B3GALT1: variants seen among roughly 807,000 people sequenced by gnomAD.
B3GALT1 encodes UDP-Gal:betaGlcNAc beta 1,3-galactosyltransferase, polypeptide 1.
A neutral mutation model predicts 23.2 loss-of-function variants in B3GALT1; 10 were observed. The ratio of observed to expected loss-of-function variants is 0.43; its 90% CI spans 0.27 to 0.73. The LOEUF (loss-of-function observed/expected upper bound fraction) is 0.73. B3GALT1 is among the 30% of genes least tolerant of loss of function. B3GALT1 has a pLI of 0.21. For missense variants in B3GALT1, 299 were observed against 405.4 expected (o/e 0.74, Z 2.25); for synonymous variants, 156 against 141.5 (o/e 1.10, Z -0.73).
chr2:167,329,972 T>G (rs1696948349), intron 1 of B3GALT1, among the ~76,000 whole-genome samples: 1 of 152,186 alleles, frequency 6.6e-6, no homozygotes. Flanking sequence ...CTTTAGGCAG[T>G]TTGACCATAA....
rs1428606193 is a variant in B3GALT1 at position 167,873,876 on chromosome 2, T to TGACA, written c.*3861_*3864dup. On this transcript the variant is annotated 3_prime_UTR_variant, in exon 5 of 5. Transcript: ENST00000392690. ...TGTATCAATGTTATAAAACTAAAAA[T>TGACA]GACAGACACTGAAGATATCATTACA... The TGACA allele has an allele frequency of 6.6e-6, 1 of 152,222 alleles. No homozygotes were observed. The highest frequency in any genetic ancestry group is 1.5e-5 in the Non-Finnish European group (1 of 68,032). The allele number at this position is 152,222 out of a possible 1,614,324, so 9.4% of individuals were successfully genotyped here. A position where few individuals can be genotyped will look rare whatever the true frequency, so the allele number is the denominator to read the frequency against.
At chr2:167,829,702 C>T (rs1689305021) in intron 4 of B3GALT1, among the ~76,000 whole-genome samples, 1 of 152,132 alleles carries the variant, frequency 6.6e-6, no homozygotes, top group Admixed American at 6.5e-5. Flanking sequence ...TCCTTCTCCA[C>T]TGGCATCATC....
chr2:167,869,872 A>G lies in B3GALT1; in HGVS notation c.833A>G (p.His278Arg), dbSNP rs1392425478. 1 of 1,614,202 alleles carries G rather than the reference A, an allele frequency of 6.2e-7. No individual in the cohort carries two copies. Among genetic ancestry groups the G allele is most frequent in the Non-Finnish European group, 8.5e-7 (1 of 1,180,036 alleles). Residue 278 changes from histidine to arginine, a missense_variant, in exon 5 of 5, where the codon CAT becomes CGT. Around this residue, in one of 3 missense-constraint regions of B3GALT1, gnomAD observed 133 missense variants for 204.8 expected, o/e 0.65. Coordinates refer to ENST00000392690, the MANE Select transcript of B3GALT1 (RefSeq NM_020981.4). The surrounding 1 kb of genome is among the most constrained non-coding windows in gnomAD (Gnocchi z 6.4). ...VGLCLRKLGI[H>R]PFQNSGFNHW... ...CTGTGTCTTCGAAAGCTGGGCATACATCCTTTCCAGAACAGTGGCTTCAAT... is the reference window on the plus strand; with the variant it reads ...CTGTGTCTTCGAAAGCTGGGCATACGTCCTTTCCAGAACAGTGGCTTCAAT...
At chr2:167,510,106 C>T (rs1279296490) in intron 2 of B3GALT1, among the ~76,000 whole-genome samples, 1 of 152,074 alleles carries the variant, frequency 6.6e-6, no homozygotes, top group African/African-American at 2.4e-5. Flanking sequence ...AGGTCTTACC[C>T]AATATCAAAT....
chr2:167,745,623 T>C (rs1032625138), intron 3 of B3GALT1, among the ~76,000 whole-genome samples: 2 of 152,124 alleles, frequency 1.3e-5, no homozygotes, highest in African/African-American at 4.8e-5. Flanking sequence ...GGCTTATGAT[T>C]CCCTTGTTGT....
At chr2:167,372,593 G>A (rs1400117235) in intron 1 of B3GALT1, among the ~76,000 whole-genome samples, 1 of 152,058 alleles carries the variant, frequency 6.6e-6, no homozygotes, top group Non-Finnish European at 1.5e-5. Flanking sequence ...ACCCTAAATA[G>A]TCTAAAGACT....
intron 3 of B3GALT1, chr2:167,713,730 G>T: frequency 1.3e-6 from 2 of 1,559,302 alleles, no homozygotes; most frequent in Non-Finnish European, 1.8e-6. Flanking sequence ...AAGGGAACTT[G>T]CTTCTACCTT....
intron 1 of B3GALT1, among the ~76,000 whole-genome samples, chr2:167,458,741 CGTTT>C (rs1328531108): frequency 6.6e-6 from 1 of 152,048 alleles, no homozygotes. Flanking sequence ...GCTTATTGGC[CGTTT>C]GTTTATCATC....
At chr2:167,344,726 C>T (rs1697203196) in intron 1 of B3GALT1, among the ~76,000 whole-genome samples, 1 of 152,138 alleles carries the variant, frequency 6.6e-6, no homozygotes, top group African/African-American at 2.4e-5. Flanking sequence ...CTTCCTTAAC[C>T]TTTCAAATAA....
intron 2 of B3GALT1, among the ~76,000 whole-genome samples, chr2:167,599,998 G>A (rs1013467111): frequency 2.0e-5 from 3 of 152,138 alleles, no homozygotes; most frequent in Admixed American, 6.5e-5. Context: ...TGTGTCTCCC[G>A]TATGCTAAAT....
intron 3 of B3GALT1, among the ~76,000 whole-genome samples, chr2:167,663,660 T>G (rs144871527): frequency 0.5 from 71,011 of 142,950 alleles, 17,637 homozygotes; most frequent in East Asian, 0.64. Flanking sequence ...ATTCTAACTG[T>G]TGTGAGATGG....
At position 167,586,113 on chromosome 2, in the gene B3GALT1, G is replaced by T. The variant is rs554429735; in HGVS notation, c.-409-60796G>T. Among the ~76,000 whole-genome samples the T allele has an allele frequency of 4.9e-4, 74 of 152,018 alleles. 1 individual carries two copies. Among genetic ancestry groups the T allele is most frequent in the African/African-American group, 1.6e-3 (68 of 41,440 alleles). Reference sequence around the variant, plus strand: ...AATGAAGCTGTGCACTTTGATTTATGCATTTTCTTATATTTTCATAATACT... The same window carrying T: ...AATGAAGCTGTGCACTTTGATTTATTCATTTTCTTATATTTTCATAATACT... On this transcript the variant is annotated intron_variant, in intron 2 of 4. Transcript: ENST00000392690.
intron 3 of B3GALT1, among the ~76,000 whole-genome samples, chr2:167,727,948 T>C (rs780317659): frequency 3.3e-5 from 5 of 152,256 alleles, no homozygotes; most frequent in East Asian, 1.9e-4. Context: ...GTCCTTCATG[T>C]TGTCTGAATC....
chr2:167,475,741 G>A (rs748708122), intron 1 of B3GALT1, among the ~76,000 whole-genome samples: 5 of 152,120 alleles, frequency 3.3e-5, no homozygotes, highest in Admixed American at 6.6e-5. Flanking sequence ...ACATACTGGC[G>A]GGCTCAAACA....
At chr2:167,429,298 A>T (rs1698672647) in intron 1 of B3GALT1, among the ~76,000 whole-genome samples, 1 of 151,274 alleles carries the variant, frequency 6.6e-6, no homozygotes, top group Non-Finnish European at 1.5e-5. Context: ...AAAAAAAAAA[A>T]AATAAGAAAT....
Position 167,463,933 on chromosome 2 carries a change from GC to G in B3GALT1, c.-510-26242del, listed in dbSNP as rs370458108. On this transcript the variant is annotated intron_variant, in intron 1 of 4. Transcript: ENST00000392690. The stretch of plus-strand genomic sequence containing the variant: ...AACTATAGTTCACATCGTTGGCAAG[GC>G]CTGTCCAACCCCAATGATCTGAGCA... Among the ~76,000 whole-genome samples, 12 of 152,210 alleles carry G rather than the reference GC, an allele frequency of 7.9e-5. No homozygotes were observed. The South Asian group carries it at 1.9e-3, about 24-fold the overall frequency.
At chr2:167,749,856 C>T (rs758959036) in intron 3 of B3GALT1, among the ~76,000 whole-genome samples, 45 of 152,340 alleles carry the variant, frequency 3.0e-4, no homozygotes, top group Non-Finnish European at 4.9e-4. Flanking sequence ...TGCTGTCAGA[C>T]GCTGAGTCAT....
chr2:167,359,850 C>A (rs1432434341), intron 1 of B3GALT1, among the ~76,000 whole-genome samples: 1 of 151,406 alleles, frequency 6.6e-6, no homozygotes, highest in African/African-American at 2.4e-5. Context: ...CCTACCACAG[C>A]TGGAAACTAT....
intron 2 of B3GALT1, among the ~76,000 whole-genome samples, chr2:167,565,136 A>G (rs537661579): frequency 6.6e-6 from 1 of 152,358 alleles, no homozygotes; most frequent in Non-Finnish European, 1.5e-5. Context: ...CCAAAACAGC[A>G]TGGTACTGGT....
Sources: gnomAD v4.1 joint callset for allele counts (sites outside exome capture counted in the v4.1 genomes callset) on GRCh38, gnomAD v4.1.1 for gene constraint, gnomAD v4.1.1 regional missense constraint, Gnocchi (gnomAD v3.1) non-coding constraint, MANE v1.5 for transcripts, NCBI Gene and HGNC (gene_info 2026-07-23, HGNC 2026-07-21) for gene names.